The following ZNF708 variants were observed in gnomAD, a reference collection of about 807,000 sequenced individuals.
ZNF708 encodes the protein zinc finger protein 708, also known as ZNF15, ZNF15L1.
Under a neutral mutation model 47.0 loss-of-function variants are expected in ZNF708, and 44 were observed. That is an observed-to-expected ratio of 0.94 (90% CI 0.74 to 1.20). ZNF708 has a LOEUF of 1.20. ZNF708 is among the 50% of genes most tolerant of loss of function. ZNF708 has a pLI of 0.00. For missense variants in ZNF708, 557 were observed against 656.0 expected (o/e 0.85, Z 1.65); for synonymous variants, 184 against 218.5 (o/e 0.84, Z 1.39).
At chr19:21,295,435 C>CCTAAG in intron 3 of ZNF708, among the ~76,000 whole-genome samples, 1 of 152,282 alleles carries the variant, frequency 6.6e-6, no homozygotes, top group African/African-American at 2.4e-5. Flanking sequence ...CTATCCCAGG[C>CCTAAG]CTAAGGTACA....
intron 1 of ZNF708, among the ~76,000 whole-genome samples, chr19:21,316,410 G>A (rs1973013622): frequency 6.6e-6 from 1 of 152,178 alleles, no homozygotes; most frequent in Non-Finnish European, 1.5e-5. Flanking sequence ...ACAGGAGTAA[G>A]CCAGTGGGCC....
At chr19:21,313,459 T>C in intron 1 of ZNF708, among the ~76,000 whole-genome samples, 1 of 152,102 alleles carries the variant, frequency 6.6e-6, no homozygotes, top group East Asian at 1.9e-4. Context: ...TCATTGGTTT[T>C]TTAAAAAATG....
chr19:21,317,388 A>G (rs138673682), intron 1 of ZNF708, among the ~76,000 whole-genome samples: 1,811 of 152,310 alleles, frequency 0.012, 15 homozygotes, highest in Non-Finnish European at 0.018. Context: ...AGGACAATAG[A>G]TACCAAATAG....
chr19:21,329,098 G>C (rs1384022643), intron 1 of ZNF708, 112 bp downstream of exon 1: 16 of 1,497,300 alleles, frequency 1.1e-5, no homozygotes, highest in Non-Finnish European at 5.6e-6. Context: ...AGGAGAACTC[G>C]GAGCGCAGAT....
intron 2 of ZNF708, 85 bp from the exon 3 acceptor site, chr19:21,309,426 G>A (rs1972852621): frequency 1.5e-6 from 2 of 1,298,050 alleles, no homozygotes; most frequent in Admixed American, 2.3e-5. Flanking sequence ...AGAGAATGTA[G>A]GCCAGGCACA....
intron 3 of ZNF708, 82 bp downstream of exon 3, chr19:21,309,164 C>T: frequency 7.6e-7 from 1 of 1,310,966 alleles, no homozygotes; most frequent in Non-Finnish European, 1.0e-6. Flanking sequence ...CACAGATTTC[C>T]AAGTCAAATT....
intron 3 of ZNF708, among the ~76,000 whole-genome samples, chr19:21,306,495 G>A (rs1972766642): frequency 6.6e-6 from 1 of 152,034 alleles, no homozygotes; most frequent in South Asian, 2.1e-4. Context: ...ATAATTTATA[G>A]AGAAACACAT....
chr19:21,295,966 G>C (rs1370471847), intron 3 of ZNF708, among the ~76,000 whole-genome samples: 1 of 151,878 alleles, frequency 6.6e-6, no homozygotes, highest in Non-Finnish European at 1.5e-5. Flanking sequence ...CTGAAGTTCA[G>C]AAAAATGAGG....
chr19:21,301,872 A>T (rs1972667250), intron 3 of ZNF708, among the ~76,000 whole-genome samples: 1 of 152,138 alleles, frequency 6.6e-6, no homozygotes, highest in Non-Finnish European at 1.5e-5. Context: ...ATAATACTTG[A>T]TCCAAAATTA....
intron 3 of ZNF708, among the ~76,000 whole-genome samples, chr19:21,300,383 G>A (rs1318799491): frequency 6.6e-6 from 1 of 151,628 alleles, no homozygotes; most frequent in Non-Finnish European, 1.5e-5. Context: ...GTACATGCCT[G>A]TAATCCCAGC....
chr19:21,308,075 A>T (rs1189100256), intron 3 of ZNF708, among the ~76,000 whole-genome samples: 1 of 152,060 alleles, frequency 6.6e-6, no homozygotes, highest in Non-Finnish European at 1.5e-5. Flanking sequence ...ACAATAAAAG[A>T]TATAAGATTT....
Position 21,293,120 on chromosome 19 carries a change from G to T in ZNF708, c.*154C>A. The T allele has an allele frequency of 6.9e-6, 7 of 1,014,270 alleles. No individual in the cohort carries two copies. The highest frequency in any genetic ancestry group is 1.0e-5 in the Non-Finnish European group (7 of 675,776). The allele number at this position is 1,014,270 out of a possible 1,614,324, so 62.8% of individuals were successfully genotyped here. A position where few individuals can be genotyped will look rare whatever the true frequency, so the allele number is the denominator to read the frequency against. On this transcript the variant is annotated 3_prime_UTR_variant, in exon 4 of 4. Coordinates refer to ENST00000356929, the MANE Select transcript of ZNF708 (RefSeq NM_021269.3). Reference sequence around the variant, plus strand: ...CTTTGCCACATTCTTTACATTTGTAGGGTTTCTCTCTAGTATGAATTATCT... The same window carrying T: ...CTTTGCCACATTCTTTACATTTGTATGGTTTCTCTCTAGTATGAATTATCT...
intron 1 of ZNF708, among the ~76,000 whole-genome samples, chr19:21,325,275 A>T (rs1432960426): frequency 1.3e-5 from 2 of 152,248 alleles, no homozygotes; most frequent in African/African-American, 4.8e-5. Context: ...CTAAGCAAAA[A>T]GAACAAATCT....
chr19:21,307,212 C>T (rs1972801589), intron 3 of ZNF708, among the ~76,000 whole-genome samples: 1 of 150,582 alleles, frequency 6.6e-6, no homozygotes, highest in Non-Finnish European at 1.5e-5. Context: ...TACAACTATC[C>T]AAGCCCCTTG....
intron 3 of ZNF708, among the ~76,000 whole-genome samples, chr19:21,306,462 A>G (rs115026987): frequency 7.2e-4 from 109 of 152,316 alleles, no homozygotes; most frequent in African/African-American, 2.5e-3. Context: ...GGGAAAAAGT[A>G]TTTGAAAAGA....
chr19:21,310,066 A>T (rs1278899966), intron 2 of ZNF708, among the ~76,000 whole-genome samples: 1 of 152,210 alleles, frequency 6.6e-6, no homozygotes, highest in Admixed American at 6.5e-5. Context: ...GTTGAAACTC[A>T]TTTATGTAAG....
intron 1 of ZNF708, among the ~76,000 whole-genome samples, chr19:21,324,238 G>A (rs947326757): frequency 2.7e-5 from 4 of 149,160 alleles, no homozygotes; most frequent in Middle Eastern, 3.4e-3. Flanking sequence ...GCAAGACTCC[G>A]TCTCAAAAAA....
chr19:21,313,318 G>C (rs1972938612), intron 1 of ZNF708, among the ~76,000 whole-genome samples: 1 of 150,656 alleles, frequency 6.6e-6, no homozygotes, highest in Non-Finnish European at 1.5e-5. Context: ...ATGTTACAGA[G>C]CACTGTGCTG....
At chr19:21,310,464 A>G (rs1351736955) in intron 2 of ZNF708, 37 bp downstream of exon 2, 8 of 1,053,222 alleles carry the variant, frequency 7.6e-6, no homozygotes, top group Admixed American at 7.4e-5. Context: ...AATAATAATA[A>G]ATAATAAAAA....
Sources: allele counts gnomAD v4.1 joint callset (sites outside exome capture counted in the v4.1 genomes callset), GRCh38; gene constraint gnomAD v4.1.1; transcripts MANE v1.5; gene names NCBI Gene and HGNC (gene_info 2026-07-23, HGNC 2026-07-21).